GALNTL6: variants seen among roughly 807,000 people sequenced by gnomAD.
GALNTL6 encodes polypeptide N-acetylgalactosaminyltransferase-like 6.
A neutral mutation model predicts 73.7 loss-of-function variants in GALNTL6; 46 were observed. That is an observed-to-expected ratio of 0.62 (90% confidence interval 0.49 to 0.80). The LOEUF (loss-of-function observed/expected upper bound fraction) is 0.80, where lower values mean the gene tolerates loss of function less well. GALNTL6 is among the 30% of genes least tolerant of loss of function. The probability of loss-of-function intolerance (pLI) is 0.00; values close to 1 mark genes in which losing one functional copy is unlikely to be tolerated. For missense variants in GALNTL6, 604 were observed against 755.0 expected, an observed-to-expected ratio of 0.80 and a Z score of 2.34; for synonymous variants, 259 against 263.7, an observed-to-expected ratio of 0.98 and a Z score of 0.17.
In GALNTL6 at chr4:171,849,369, C is replaced by A. The variant is rs572602180; in HGVS notation, c.138+34651C>A. Among the ~76,000 whole-genome samples the A allele has an allele frequency of 1.8e-4, 27 of 152,296 alleles. No individual in the cohort carries two copies. The South Asian group carries it at 5.6e-3, about 32-fold the overall frequency. On this transcript the variant is annotated intron_variant, in intron 2 of 12. Coordinates refer to ENST00000506823, the MANE Select transcript of GALNTL6 (RefSeq NM_001034845.3). ...TGCCTCTTACTATCTTCCTTGAGAT[C>A]ACTCCCTTAATAATAATAGGAAGTG...
At chr4:172,811,721 C>T (rs751919304) in intron 6 of GALNTL6, among the ~76,000 whole-genome samples, 2 of 152,202 alleles carry the variant, frequency 1.3e-5, no homozygotes, top group Non-Finnish European at 2.9e-5. Flanking sequence ...TTCTAGCTCT[C>T]TGTGGCTTAC....
intron 3 of GALNTL6, among the ~76,000 whole-genome samples, chr4:172,296,976 C>T (rs1025047903): frequency 5.9e-5 from 9 of 152,140 alleles, no homozygotes; most frequent in Non-Finnish European, 1.0e-4. Context: ...TACAGTCCCA[C>T]CAACAGCGTA....
chr4:172,129,719 T>G (rs560970445), intron 2 of GALNTL6, among the ~76,000 whole-genome samples: 2 of 152,296 alleles, frequency 1.3e-5, no homozygotes, highest in South Asian at 4.2e-4. Flanking sequence ...AGAGAGAATG[T>G]AGATTCTGTA....
intron 4 of GALNTL6, among the ~76,000 whole-genome samples, chr4:172,315,800 T>C (rs1026698772): frequency 3.9e-5 from 6 of 152,156 alleles, no homozygotes; most frequent in African/African-American, 7.2e-5. Context: ...TGCCACACTT[T>C]AAGGTTTTCT....
chr4:172,975,528 C>T (rs570505389), intron 10 of GALNTL6, among the ~76,000 whole-genome samples: 3 of 152,324 alleles, frequency 2.0e-5, no homozygotes, highest in East Asian at 3.9e-4. Flanking sequence ...TTCTGGTCCG[C>T]TGAACTGACA....
chr4:172,962,728 C>T lies in GALNTL6; in HGVS notation c.1371+10470C>T, dbSNP rs373870204. ...GAACAGTTTTCCACCTGCTTGTCTG[C>T]GCCAGCCTGATTCTGGGTAAACAAT... On this transcript the variant is annotated intron_variant, in intron 10 of 12. Coordinates refer to ENST00000506823, the MANE Select transcript of GALNTL6 (RefSeq NM_001034845.3). Among the ~76,000 whole-genome samples the T allele has an allele frequency of 5.3e-5, 8 of 152,226 alleles. No homozygotes were observed. In the East Asian group the frequency reaches 7.7e-4, roughly 15 times the overall value.
At chr4:172,745,472 A>T (rs1186515098) in intron 5 of GALNTL6, among the ~76,000 whole-genome samples, 6 of 132,382 alleles carry the variant, frequency 4.5e-5, no homozygotes, top group African/African-American at 1.8e-4. Flanking sequence ...AATTAGAAAA[A>T]TAAGCCATAA....
chr4:172,782,143 T>C (rs141279054), intron 5 of GALNTL6, among the ~76,000 whole-genome samples: 1,873 of 152,218 alleles, frequency 0.012, 20 homozygotes, highest in Middle Eastern at 0.02. Context: ...CTTGCCTTAA[T>C]CAATAGAAAA....
At chr4:171,900,520 A>G (rs1248876448) in intron 2 of GALNTL6, among the ~76,000 whole-genome samples, 11 of 149,330 alleles carry the variant, frequency 7.4e-5, no homozygotes. Flanking sequence ...GGGTTTCACC[A>G]TGTTAACCAG....
chr4:172,598,373 C>T (rs1560828252), intron 5 of GALNTL6, among the ~76,000 whole-genome samples: 2 of 152,196 alleles, frequency 1.3e-5, no homozygotes, highest in South Asian at 2.1e-4. Flanking sequence ...TGCCAAGTGG[C>T]TCATTCATAA....
intron 9 of GALNTL6, among the ~76,000 whole-genome samples, chr4:172,949,743 A>T (rs1374036570): frequency 2.0e-5 from 3 of 151,894 alleles, no homozygotes; most frequent in African/African-American, 7.3e-5. Context: ...CCCCATCTCT[A>T]CTAAAAATAC....
intron 5 of GALNTL6, among the ~76,000 whole-genome samples, chr4:172,589,916 A>T (rs1473950432): frequency 3.3e-5 from 5 of 152,046 alleles, no homozygotes; most frequent in Non-Finnish European, 7.4e-5. Context: ...TAATGGACCA[A>T]TTTTTTACTC....
At chr4:172,178,846 C>T (rs572474964) in intron 2 of GALNTL6, among the ~76,000 whole-genome samples, 159 of 118,342 alleles carry the variant, frequency 1.3e-3, no homozygotes, top group African/African-American at 5.2e-3. Context: ...TGATATTCCC[C>T]TTCCTGTGTC....
intron 7 of GALNTL6, among the ~76,000 whole-genome samples, chr4:172,832,109 G>C (rs73000128): frequency 0.085 from 12,991 of 152,116 alleles, 1,111 homozygotes; most frequent in African/African-American, 0.21. Flanking sequence ...CACTAGATTT[G>C]TCATCTTGAG....
intron 5 of GALNTL6, among the ~76,000 whole-genome samples, chr4:172,380,654 C>T (rs1743249151): frequency 6.6e-6 from 1 of 152,148 alleles, no homozygotes; most frequent in South Asian, 2.1e-4. Context: ...TTCAGAACCA[C>T]AAAGAAGAAC....
At chr4:172,351,661 C>T (rs1741950453) in intron 5 of GALNTL6, among the ~76,000 whole-genome samples, 1 of 152,078 alleles carries the variant, frequency 6.6e-6, no homozygotes, top group South Asian at 2.1e-4. Context: ...AGCTACAACC[C>T]TATAGTGTGT....
At chr4:172,553,069 T>C (rs1289252005) in intron 5 of GALNTL6, among the ~76,000 whole-genome samples, 1 of 152,154 alleles carries the variant, frequency 6.6e-6, no homozygotes, top group Non-Finnish European at 1.5e-5. Context: ...ACATGTGTTC[T>C]CTAGTCCTTC....
intron 5 of GALNTL6, chr4:172,668,806 A>G (rs973025721): frequency 1.3e-5 from 2 of 152,132 alleles, no homozygotes; most frequent in African/African-American, 4.8e-5. Flanking sequence ...CATGGTCCAA[A>G]GAGAAGTAAA....
chr4:172,573,279 A>G (rs1579202096), intron 5 of GALNTL6, among the ~76,000 whole-genome samples: 1 of 152,288 alleles, frequency 6.6e-6, no homozygotes, highest in African/African-American at 2.4e-5. Flanking sequence ...TAACCATGAA[A>G]TAGCCATGTT....
Sources: gnomAD v4.1 joint callset for allele counts (sites outside exome capture counted in the v4.1 genomes callset) on GRCh38, gnomAD v4.1.1 for gene constraint, MANE v1.5 for transcripts, NCBI Gene and HGNC (gene_info 2026-07-23, HGNC 2026-07-21) for gene names.